ANKRD36: variants seen among roughly 807,000 people sequenced by gnomAD.
The protein encoded by ANKRD36 is ankyrin repeat domain 36, also known as ankyrin repeat domain-containing protein 36A.
A neutral mutation model predicts 278.1 loss-of-function variants in ANKRD36; 179 were observed. The ratio of observed to expected loss-of-function variants is 0.64; its 90% CI spans 0.57 to 0.73. The LOEUF (loss-of-function observed/expected upper bound fraction) is 0.73. Ranked by LOEUF, ANKRD36 falls within the 30% of genes least tolerant of loss-of-function variation. ANKRD36 has a pLI of 0.00. For missense variants in ANKRD36, 1,159 were observed against 1,956.7 expected (o/e 0.59, Z 7.69); for synonymous variants, 320 against 641.1 (o/e 0.50, Z 7.57).
chr2:97,244,086 C>T (rs369841725), intron 70 of ANKRD36, 57 bp downstream of exon 70: 11 of 1,539,690 alleles, frequency 7.1e-6, no homozygotes, highest in Non-Finnish European at 9.6e-6. Flanking sequence ...TTACTTATAC[C>T]ATCTCTTTCA....
chr2:97,149,943 A>G (rs1447965379), intron 12 of ANKRD36, among the ~76,000 whole-genome samples: 1 of 151,744 alleles, frequency 6.6e-6, no homozygotes, highest in East Asian at 2.0e-4. Context: ...TAGACATGGT[A>G]TCATGTGCCT....
intron 4 of ANKRD36, 103 bp from the exon 5 acceptor site, chr2:97,124,357 G>T: frequency 7.2e-7 from 1 of 1,383,594 alleles, no homozygotes; most frequent in Non-Finnish European, 9.5e-7. Flanking sequence ...ACATGTAATT[G>T]GGTTAATTCT....
In ANKRD36 at chr2:97,196,610, C is replaced by A. The variant is rs1249212644; in HGVS notation, c.2569C>A (p.Pro857Thr). The A allele has an allele frequency of 6.9e-6, 11 of 1,604,568 alleles. No individual in the cohort carries two copies. Among genetic ancestry groups the A allele is most frequent in the Non-Finnish European group, 9.3e-6 (11 of 1,178,728 alleles). Residue 857 changes from proline (P) to threonine (T), a missense_variant, in exon 41 of 76, where the codon CCA (proline) becomes ACA (threonine). By Grantham distance (38) the Pro-to-Thr change is conservative. Transcript: ENST00000420699. ...CTTTTCAGTGTCTTCTCAGAAACCA[C>A]CAACCTTGAAGGTAATGAAACTCCC... ...ISRKVSSQKP[P>T]TLKGTSDEED... is the part of the protein sequence containing the mutation.
intron 1 of ANKRD36, among the ~76,000 whole-genome samples, chr2:97,115,101 G>T (rs1421868538): frequency 6.6e-6 from 1 of 152,060 alleles, no homozygotes; most frequent in African/African-American, 2.4e-5. Flanking sequence ...GGTTTTTGCC[G>T]CAATTACAAG....
At chr2:97,143,961 T>C (rs906374420) in intron 8 of ANKRD36, among the ~76,000 whole-genome samples, 1 of 152,116 alleles carries the variant, frequency 6.6e-6, no homozygotes, top group Non-Finnish European at 1.5e-5. Flanking sequence ...TATTATATGC[T>C]AGGATTCACC....
chr2:97,222,455 G>A (rs2068031219), intron 66 of ANKRD36, among the ~76,000 whole-genome samples: 1 of 152,084 alleles, frequency 6.6e-6, no homozygotes, highest in South Asian at 2.1e-4. Flanking sequence ...TGGTGTAGGA[G>A]GGTTCTGCTT....
In ANKRD36 at chr2:97,142,823, A is replaced by C. The variant is rs763239572; in HGVS notation, c.889A>C (p.Lys297Gln). 1 of 1,563,372 alleles carries C rather than the reference A, an allele frequency of 6.4e-7. No homozygotes were observed. Among genetic ancestry groups the C allele is most frequent in the African/African-American group, 1.4e-5 (1 of 73,408 alleles). ...AGCCACAGAAATAAAGGATGGACAA[A>C]AATCTGGGACAGGTATTTTGGAATA... ...NIATEIKDGQ[K>Q]SGTVSSQKQP... The change falls in exon 8 of 76, where the codon AAA becomes CAA. Residue 297 changes from lysine to glutamine, a missense_variant. Physicochemically the swap from Lys to Gln is moderately conservative, Grantham distance 53. Coordinates refer to ENST00000420699, the MANE Select transcript of ANKRD36 (RefSeq NM_001354587.1).
intron 40 of ANKRD36, among the ~76,000 whole-genome samples, chr2:97,196,363 A>G (rs1448049411): frequency 3.3e-5 from 5 of 151,974 alleles, no homozygotes; most frequent in Non-Finnish European, 1.5e-5. Flanking sequence ...TTTTCGACAC[A>G]TGAGAAATCA....
intron 20 of ANKRD36, 23 bp downstream of exon 20, chr2:97,164,492 C>T (rs2050095262): frequency 6.5e-7 from 1 of 1,532,326 alleles, no homozygotes; most frequent in African/African-American, 1.4e-5. Flanking sequence ...CTACAAATTT[C>T]GTTCTAGAAA....
At chr2:97,200,649 T>G (rs2061102398) in intron 46 of ANKRD36, 124 bp downstream of exon 46, 2 of 1,447,526 alleles carry the variant, frequency 1.4e-6, no homozygotes, top group Admixed American at 4.2e-5. Context: ...AGATTCTTCT[T>G]TTCTAACAAG....
intron 17 of ANKRD36, among the ~76,000 whole-genome samples, chr2:97,159,872 C>T (rs1391609617): frequency 6.6e-6 from 1 of 151,788 alleles, no homozygotes; most frequent in Non-Finnish European, 1.5e-5. Flanking sequence ...AGCTCCACCT[C>T]CCGGGTTCAC....
At chr2:97,222,144 GT>G (rs2067926240) in intron 66 of ANKRD36, among the ~76,000 whole-genome samples, 1 of 151,980 alleles carries the variant, frequency 6.6e-6, no homozygotes, top group Non-Finnish European at 1.5e-5. Context: ...CTATATTTCT[GT>G]TTTGGTACCA....
In ANKRD36 at chr2:97,115,740, T is replaced by G. The variant is rs1253897064; in HGVS notation, c.197+1804T>G. Among the ~76,000 whole-genome samples the G allele has an allele frequency of 9.0e-4, 137 of 151,672 alleles. 2 individuals carry two copies. In the East Asian group the frequency reaches 0.011, roughly 13 times the overall value. ...TGATGACTTTTCAAATAGACAATTT[T>G]TTGGTAAGTATCACACTGTAAAAAT... is the stretch of plus-strand genomic sequence containing the variant. On this transcript the variant is annotated intron_variant, in intron 1 of 75. Transcript: ENST00000420699.
intron 32 of ANKRD36, among the ~76,000 whole-genome samples, chr2:97,187,872 G>A (rs2057766877): frequency 6.6e-6 from 1 of 151,776 alleles, no homozygotes. Context: ...AAGGAAGATG[G>A]ATTGTCAGAC....
chr2:97,231,407 T>G (rs2072023756), intron 67 of ANKRD36, among the ~76,000 whole-genome samples: 1 of 152,168 alleles, frequency 6.6e-6, no homozygotes, highest in Non-Finnish European at 1.5e-5. Context: ...TAGCAATCAG[T>G]TAGACTCCAT....
chr2:97,134,845 C>A (rs1169604125), intron 6 of ANKRD36, among the ~76,000 whole-genome samples: 1 of 151,996 alleles, frequency 6.6e-6, no homozygotes, highest in Non-Finnish European at 1.5e-5. Flanking sequence ...TTCTCTCTGA[C>A]AAGGAAACAA....
chr2:97,172,314 C>A lies in ANKRD36; in HGVS notation c.1633+4547C>A, dbSNP rs2052812509. On this transcript the variant is annotated intron_variant, in intron 22 of 75. Transcript: ENST00000420699. Reference sequence around the variant, plus strand: ...TATATTTCAGATCTATCCACATTGACCCAGTGAGGTATTTCTTGATTTATT... The same window carrying A: ...TATATTTCAGATCTATCCACATTGAACCAGTGAGGTATTTCTTGATTTATT... 2.0e-5 allele frequency among the ~76,000 whole-genome samples: 3 copies of A among 151,934 alleles called. No homozygotes were observed. In the South Asian group the frequency reaches 6.3e-4, roughly 32 times the overall value.
intron 6 of ANKRD36, among the ~76,000 whole-genome samples, chr2:97,132,890 G>A (rs2040531870): frequency 6.6e-6 from 1 of 152,052 alleles, no homozygotes; most frequent in South Asian, 2.1e-4. Context: ...TTGTCTACCA[G>A]TATGAGTCTG....
chr2:97,125,386 T>C (rs2038305112), intron 5 of ANKRD36, among the ~76,000 whole-genome samples: 1 of 128,002 alleles, frequency 7.8e-6, no homozygotes, highest in South Asian at 2.9e-4. Flanking sequence ...ACGGAGCAAA[T>C]TGACACTTTC....
Sources: gnomAD v4.1 joint callset for allele counts (sites outside exome capture counted in the v4.1 genomes callset) on GRCh38, gnomAD v4.1.1 for gene constraint, MANE v1.5 for transcripts, NCBI Gene and HGNC (gene_info 2026-07-23, HGNC 2026-07-21) for gene names.